CA10: variants seen among roughly 807,000 people sequenced by gnomAD.
The protein encoded by CA10 is carbonic anhydrase-related protein 10.
CA10 carries 14 observed loss-of-function variants against 44.2 expected under a neutral mutation model. The ratio of observed to expected loss-of-function variants is 0.32; its 90% CI spans 0.21 to 0.50. The LOEUF (loss-of-function observed/expected upper bound fraction) is 0.50. Among genes scored for constraint, CA10 ranks in the 20% least tolerant of loss-of-function variants. CA10 has a pLI of 0.99. For missense variants in CA10, 350 were observed against 409.7 expected (o/e 0.85, Z 1.26); for synonymous variants, 159 against 141.6 (o/e 1.12, Z -0.87).
At chr17:51,765,013 TA>T (rs1567832125) in intron 3 of CA10, among the ~76,000 whole-genome samples, 1 of 152,206 alleles carries the variant, frequency 6.6e-6, no homozygotes, top group East Asian at 1.9e-4. Context: ...ATATTAAAGA[TA>T]AAGGCAAAGA....
At chr17:51,663,181 G>A (rs551706919) in intron 4 of CA10, among the ~76,000 whole-genome samples, 1 of 139,332 alleles carries the variant, frequency 7.2e-6, no homozygotes, top group African/African-American at 2.8e-5. Context: ...TAAAGAATCA[G>A]GGAAGTTCCG....
chr17:51,705,140 T>C (rs577381984), intron 4 of CA10, among the ~76,000 whole-genome samples: 1 of 152,308 alleles, frequency 6.6e-6, no homozygotes, highest in South Asian at 2.1e-4. Context: ...CTTGACTTGC[T>C]ATCTTTGCTC....
intron 1 of CA10, among the ~76,000 whole-genome samples, chr17:52,072,696 C>G (rs1164116771): frequency 2.0e-5 from 3 of 151,386 alleles, no homozygotes; most frequent in African/African-American, 7.3e-5. Context: ...CACACACACA[C>G]ACACACACAC....
chr17:51,991,572 G>A (rs916888809), intron 2 of CA10, among the ~76,000 whole-genome samples: 1 of 152,130 alleles, frequency 6.6e-6, no homozygotes, highest in African/African-American at 2.4e-5. Flanking sequence ...CACTTTGGGA[G>A]GCAGAGGTGG....
chr17:52,063,304 G>A (rs1987441218), intron 2 of CA10, among the ~76,000 whole-genome samples: 1 of 152,158 alleles, frequency 6.6e-6, no homozygotes, highest in African/African-American at 2.4e-5. Flanking sequence ...TTGGATTTGG[G>A]ACTTTTGAGT....
chr17:52,048,571 C>A (rs976781098), intron 2 of CA10, among the ~76,000 whole-genome samples: 10 of 151,888 alleles, frequency 6.6e-5, no homozygotes, highest in African/African-American at 2.2e-4. Context: ...CATCAAGGAG[C>A]CATGAAAGGG....
At chr17:51,701,782 T>C (rs200412288) in intron 4 of CA10, among the ~76,000 whole-genome samples, 3 of 152,242 alleles carry the variant, frequency 2.0e-5, no homozygotes, top group South Asian at 4.1e-4. Flanking sequence ...TCAAACTTTC[T>C]AGCTTGCATT....
intron 2 of CA10, among the ~76,000 whole-genome samples, chr17:52,020,258 G>A (rs1415932371): frequency 6.6e-6 from 1 of 151,930 alleles, no homozygotes; most frequent in Non-Finnish European, 1.5e-5. Context: ...AACAATGCAA[G>A]CTTCTTAGAA....
chr17:51,954,733 G>C (rs1461090301), intron 2 of CA10, among the ~76,000 whole-genome samples: 1 of 152,216 alleles, frequency 6.6e-6, no homozygotes, highest in Non-Finnish European at 1.5e-5. Context: ...ATGCACAGGA[G>C]AGACTGCAAA....
intron 3 of CA10, among the ~76,000 whole-genome samples, chr17:51,885,435 C>T (rs1488833627): frequency 6.6e-6 from 1 of 152,204 alleles, no homozygotes; most frequent in Admixed American, 6.5e-5. Context: ...CTTACTCAAA[C>T]ACGTTCACAA....
intron 3 of CA10, among the ~76,000 whole-genome samples, chr17:51,898,176 T>C (rs1273180511): frequency 1.3e-5 from 2 of 152,144 alleles, no homozygotes; most frequent in Admixed American, 1.3e-4. Flanking sequence ...AGCTTTTGCA[T>C]TTTCAGTACG....
At chr17:52,113,604 T>A (rs569431656) in intron 1 of CA10, among the ~76,000 whole-genome samples, 3 of 152,210 alleles carry the variant, frequency 2.0e-5, no homozygotes, top group Non-Finnish European at 2.9e-5. Flanking sequence ...ATGCAATAAG[T>A]AATTAGTTGC....
At chr17:52,003,909 C>T (rs969922645) in intron 2 of CA10, among the ~76,000 whole-genome samples, 8 of 149,192 alleles carry the variant, frequency 5.4e-5, no homozygotes, top group Non-Finnish European at 1.2e-4. Flanking sequence ...TAAAAATATT[C>T]AGAATAGATA....
In CA10 at chr17:51,733,642, G is replaced by A. The variant is rs538699334; in HGVS notation, c.465+13991C>T. On this transcript the variant is annotated intron_variant, in intron 4 of 8. Coordinates refer to ENST00000451037, the MANE Select transcript of CA10 (RefSeq NM_020178.5). Reference sequence around the variant, plus strand: ...ATGCCCCTGAGGTTTTAAAAGCAAAGCTTGCAACTGCTTTTTGGAGCAGAA... The same window carrying A: ...ATGCCCCTGAGGTTTTAAAAGCAAAACTTGCAACTGCTTTTTGGAGCAGAA... Among the ~76,000 whole-genome samples, 4 of 152,310 alleles carry A rather than the reference G, an allele frequency of 2.6e-5. No homozygotes were observed. The East Asian group carries it at 7.7e-4, about 29-fold the overall frequency.
At chr17:51,753,347 T>A (rs1904956777) in intron 3 of CA10, among the ~76,000 whole-genome samples, 1 of 152,250 alleles carries the variant, frequency 6.6e-6, no homozygotes, top group African/African-American at 2.4e-5. Context: ...AAATTAGATG[T>A]CTTTGCATAG....
chr17:52,025,178 T>C (rs1402004858), intron 2 of CA10, among the ~76,000 whole-genome samples: 1 of 152,130 alleles, frequency 6.6e-6, no homozygotes, highest in Non-Finnish European at 1.5e-5. Flanking sequence ...CTTTTAAATA[T>C]GTTTTCTACT....
At chr17:51,645,949 C>T (rs1251654482) in intron 6 of CA10, among the ~76,000 whole-genome samples, 1 of 152,194 alleles carries the variant, frequency 6.6e-6, no homozygotes, top group Non-Finnish European at 1.5e-5. Context: ...AGTCACATCA[C>T]TTATTTCTTC....
intron 3 of CA10, among the ~76,000 whole-genome samples, chr17:51,855,241 C>G (rs1978987792): frequency 6.6e-6 from 1 of 152,134 alleles, no homozygotes; most frequent in Non-Finnish European, 1.5e-5. Flanking sequence ...TCCCACCAAG[C>G]CCACAGTGCC....
chr17:51,730,056 G>A (rs992008554), intron 4 of CA10, among the ~76,000 whole-genome samples: 1 of 152,202 alleles, frequency 6.6e-6, no homozygotes, highest in African/African-American at 2.4e-5. Flanking sequence ...CAATCTGGAT[G>A]TACCCACAAT....
Sources: gnomAD v4.1 joint callset for allele counts (sites outside exome capture counted in the v4.1 genomes callset) on GRCh38, gnomAD v4.1.1 for gene constraint, MANE v1.5 for transcripts, NCBI Gene and HGNC (gene_info 2026-07-23, HGNC 2026-07-21) for gene names.